The following RERG variants were observed in gnomAD, a reference collection of about 807,000 sequenced individuals.
The protein encoded by RERG is RAS like estrogen regulated growth inhibitor.
In RERG, 25 loss-of-function variants were observed where a neutral mutation model predicts 23.2. The observed-to-expected ratio is 1.08, with a 90% CI of 0.79 to 1.50. The LOEUF is 1.50. Ranked by LOEUF, RERG falls within the 40% of genes most tolerant of loss-of-function variation. The probability of loss-of-function intolerance (pLI) is 0.00; values close to 1 mark genes in which losing one functional copy is unlikely to be tolerated. For missense variants in RERG, 253 were observed against 250.1 expected (o/e 1.01, Z -0.08); for synonymous variants, 81 against 89.1 (o/e 0.91, Z 0.51).
chr12:15,113,219 T>C (rs533979767), intron 3 of RERG, among the ~76,000 whole-genome samples: 13 of 151,890 alleles, frequency 8.6e-5, no homozygotes, highest in African/African-American at 2.9e-4. Flanking sequence ...CTCTTAAAAA[T>C]CTAGAAAAAG....
intron 2 of RERG, among the ~76,000 whole-genome samples, chr12:15,166,315 A>G (rs978276733): frequency 2.0e-5 from 3 of 152,226 alleles, no homozygotes; most frequent in Non-Finnish European, 4.4e-5. Context: ...GAACTAGAAC[A>G]TAATATTCAC....
At chr12:15,213,996 ATGTGTGTGTGTG>A (rs59427690) in intron 2 of RERG, among the ~76,000 whole-genome samples, 22 of 131,014 alleles carry the variant, frequency 1.7e-4, no homozygotes, top group African/African-American at 2.8e-4. Context: ...CAGAGAAAGT[ATGTGTGTGTGTG>A]TGTGTGTGTG....
At position 15,202,116 on chromosome 12, in the gene RERG, T is replaced by C. The variant is rs1405956403; in HGVS notation, c.61+15313A>G. The stretch of plus-strand genomic sequence containing the variant: ...ATTCTTTTTTACAGTTTCATTGGAA[T>C]ATAATTAATAGGTGAAAAAACTGTA... On this transcript the variant is annotated intron_variant, in intron 2 of 4. Coordinates refer to ENST00000256953, the MANE Select transcript of RERG (RefSeq NM_032918.3). Among the ~76,000 whole-genome samples, 5 of 151,846 alleles carry C rather than the reference T, an allele frequency of 3.3e-5. No individual in the cohort carries two copies. In the East Asian group the frequency reaches 9.6e-4, roughly 29 times the overall value.
intron 2 of RERG, among the ~76,000 whole-genome samples, chr12:15,157,786 G>T (rs1264579227): frequency 6.6e-6 from 1 of 151,746 alleles, no homozygotes; most frequent in Non-Finnish European, 1.5e-5. Flanking sequence ...ACATTTTTTT[G>T]TCACTCTTTT....
intron 3 of RERG, among the ~76,000 whole-genome samples, chr12:15,119,767 T>C (rs1220578833): frequency 6.6e-6 from 1 of 152,162 alleles, no homozygotes. Context: ...AAAGGTGGAA[T>C]AACATAAAGA....
intron 2 of RERG, among the ~76,000 whole-genome samples, chr12:15,169,050 T>C (rs938103228): frequency 1.3e-5 from 2 of 152,150 alleles, no homozygotes; most frequent in Non-Finnish European, 2.9e-5. Context: ...AGGTTGTAAA[T>C]CAAGGGAATC....
At chr12:15,112,910 G>A (rs1555118916) in intron 3 of RERG, among the ~76,000 whole-genome samples, 1 of 152,146 alleles carries the variant, frequency 6.6e-6, no homozygotes, top group Non-Finnish European at 1.5e-5. Flanking sequence ...TGAGGAAAAA[G>A]CTCTATATCT....
At chr12:15,191,067 C>G (rs1193083670) in intron 2 of RERG, among the ~76,000 whole-genome samples, 1 of 152,088 alleles carries the variant, frequency 6.6e-6, no homozygotes, top group African/African-American at 2.4e-5. Flanking sequence ...ATCCTATCAC[C>G]CTTGCCATTT....
chr12:15,129,987 G>T (rs1215456483), intron 2 of RERG, among the ~76,000 whole-genome samples: 1 of 152,128 alleles, frequency 6.6e-6, no homozygotes, highest in Non-Finnish European at 1.5e-5. Context: ...TATTCTTTGA[G>T]AATATAATGG....
intron 2 of RERG, among the ~76,000 whole-genome samples, chr12:15,215,720 G>A (rs968561770): frequency 1.3e-5 from 2 of 152,098 alleles, no homozygotes; most frequent in East Asian, 1.9e-4. Flanking sequence ...GAAGACATGC[G>A]TGAGGAAAAA....
intron 2 of RERG, among the ~76,000 whole-genome samples, chr12:15,128,302 G>GA (rs1383640041): frequency 6.6e-6 from 1 of 152,084 alleles, no homozygotes; most frequent in Non-Finnish European, 1.5e-5. Flanking sequence ...TTTTTTTCTT[G>GA]AAAACGTCTT....
At chr12:15,142,081 G>T (rs1591644929) in intron 2 of RERG, among the ~76,000 whole-genome samples, 1 of 152,142 alleles carries the variant, frequency 6.6e-6, no homozygotes, top group East Asian at 1.9e-4. Context: ...TAAAGAATGT[G>T]CAAGAACACA....
chr12:15,189,888 C>G (rs1865045750), intron 2 of RERG, among the ~76,000 whole-genome samples: 1 of 152,154 alleles, frequency 6.6e-6, no homozygotes, highest in Admixed American at 6.5e-5. Flanking sequence ...GGTTACAAAC[C>G]AGGGAGCTTG....
At chr12:15,205,218 A>C (rs1158598016) in intron 2 of RERG, among the ~76,000 whole-genome samples, 1 of 151,974 alleles carries the variant, frequency 6.6e-6, no homozygotes, top group Non-Finnish European at 1.5e-5. Flanking sequence ...GACAAGAAAA[A>C]ATTTACATAG....
intron 2 of RERG, 165 bp downstream of exon 2, chr12:15,217,264 G>A (rs1200670149): frequency 5.1e-6 from 3 of 593,752 alleles, no homozygotes; most frequent in East Asian, 2.8e-5. Flanking sequence ...CGTAACAGTC[G>A]ATTACGCAAA....
intron 2 of RERG, among the ~76,000 whole-genome samples, chr12:15,197,086 A>C (rs960412268): frequency 2.0e-5 from 3 of 152,176 alleles, no homozygotes; most frequent in Non-Finnish European, 4.4e-5. Flanking sequence ...TACAATGACA[A>C]TCTGAAGCAG....
At chr12:15,135,244 T>C (rs954098318) in intron 2 of RERG, among the ~76,000 whole-genome samples, 1 of 152,194 alleles carries the variant, frequency 6.6e-6, no homozygotes, top group African/African-American at 2.4e-5. Flanking sequence ...TGTTGATATA[T>C]AGGAAAGTGA....
chr12:15,183,809 T>C (rs1389534236), intron 2 of RERG, among the ~76,000 whole-genome samples: 1 of 152,182 alleles, frequency 6.6e-6, no homozygotes, highest in East Asian at 1.9e-4. Context: ...AGATTTACCC[T>C]AAACTTACTT....
chr12:15,149,450 G>T (rs1864400742), intron 2 of RERG, among the ~76,000 whole-genome samples: 1 of 152,122 alleles, frequency 6.6e-6, no homozygotes, highest in African/African-American at 2.4e-5. Context: ...GGTGGGAGGG[G>T]AGGTGGATGA....
Sources: allele counts gnomAD v4.1 joint callset (sites outside exome capture counted in the v4.1 genomes callset), GRCh38; gene constraint gnomAD v4.1.1; transcripts MANE v1.5; gene names NCBI Gene and HGNC (gene_info 2026-07-23, HGNC 2026-07-21).